The following SCAI variants were observed in gnomAD, a reference collection of about 807,000 sequenced individuals.
The protein encoded by SCAI is protein SCAI.
Under a neutral mutation model 92.2 loss-of-function variants are expected in SCAI, and 24 were observed. The observed-to-expected ratio is 0.26, with a 90% CI of 0.19 to 0.37. The LOEUF is 0.37. SCAI is among the 10% of genes least tolerant of loss of function. SCAI has a pLI of 1.00. For missense variants in SCAI, 450 were observed against 736.2 expected (o/e 0.61, Z 4.50); for synonymous variants, 261 against 258.6 (o/e 1.01, Z -0.09).
At chr9:124,975,748 T>A (rs1831742427) in intron 15 of SCAI, among the ~76,000 whole-genome samples, 1 of 152,228 alleles carries the variant, frequency 6.6e-6, no homozygotes, top group Admixed American at 6.5e-5. Flanking sequence ...AAAAGATGCC[T>A]TGGATCTTTT....
intron 2 of SCAI, among the ~76,000 whole-genome samples, chr9:125,068,512 C>CA (rs113476856): frequency 1.1e-4 from 16 of 151,522 alleles, no homozygotes; most frequent in East Asian, 9.7e-4. Flanking sequence ...ACAACAACAA[C>CA]AACAAAAAAA....
At chr9:125,008,011 A>C (rs746830493) in intron 9 of SCAI, among the ~76,000 whole-genome samples, 5 of 150,228 alleles carry the variant, frequency 3.3e-5, no homozygotes, top group Non-Finnish European at 5.9e-5. Context: ...ATGCCCGGCT[A>C]ATTTTTTGTA....
At chr9:125,010,347 C>T (rs531397064) in intron 9 of SCAI, among the ~76,000 whole-genome samples, 9 of 152,300 alleles carry the variant, frequency 5.9e-5, no homozygotes, top group East Asian at 1.9e-4. Context: ...GCTTTTCCGA[C>T]GGGCTTAAAA....
chr9:124,942,883 A>G lies in SCAI; in HGVS notation c.*9924T>C, dbSNP rs569194921. ...TAGGCACTGTATAGCAGGAGAAAACATTGGAAAGCCTACTGAATCCGCTCT... is the reference window on the plus strand; with the variant it reads ...TAGGCACTGTATAGCAGGAGAAAACGTTGGAAAGCCTACTGAATCCGCTCT... On this transcript the variant is annotated 3_prime_UTR_variant, in exon 18 of 18. Transcript: ENST00000336505. 53 of 152,246 alleles carry G rather than the reference A, an allele frequency of 3.5e-4. No homozygotes were observed. The highest frequency in any genetic ancestry group is 8.5e-4 in the Admixed American group (13 of 15,280). 9.4% of individuals were successfully genotyped at this position (152,246 alleles called of 1,614,324 possible).
At chr9:125,024,801 T>A (rs895960709) in intron 6 of SCAI, among the ~76,000 whole-genome samples, 1 of 152,174 alleles carries the variant, frequency 6.6e-6, no homozygotes, top group Non-Finnish European at 1.5e-5. Flanking sequence ...TGCAACAGAA[T>A]TGGGGTGTGC....
chr9:125,077,696 A>G (rs1480579318), intron 2 of SCAI, among the ~76,000 whole-genome samples: 4 of 151,590 alleles, frequency 2.6e-5, no homozygotes, highest in Non-Finnish European at 5.9e-5. Flanking sequence ...AGAAATGTCT[A>G]CTCAGATACT....
In SCAI at chr9:124,952,804, G is replaced by A. The variant is rs1236644843; in HGVS notation, c.*3C>T. 6.2e-7 allele frequency: 1 copy of A among 1,606,644 alleles called. No individual in the cohort carries two copies. Among genetic ancestry groups the A allele is most frequent in the Non-Finnish European group, 8.5e-7 (1 of 1,177,118 alleles). ...AACTTGTTTCGACAACAGGGTTTTT[G>A]TTTTAATAGTCATCAATGGTATTCT... On this transcript the variant is annotated 3_prime_UTR_variant, in exon 18 of 18. Coordinates refer to ENST00000336505, the MANE Select transcript of SCAI (RefSeq NM_001144877.3).
intron 2 of SCAI, among the ~76,000 whole-genome samples, chr9:125,066,467 T>TA (rs34572480): frequency 0.23 from 35,016 of 151,344 alleles, 4,593 homozygotes; most frequent in East Asian, 0.31. Context: ...TTTATTTATT[T>TA]TTTTTTGAGA....
chr9:125,132,898 G>A lies in SCAI; in HGVS notation c.98+9735C>T, dbSNP rs574259873. Among the ~76,000 whole-genome samples, 34 of 152,218 alleles carry A rather than the reference G, an allele frequency of 2.2e-4. 1 individual carries two copies. The South Asian group carries it at 7.1e-3, about 32-fold the overall frequency. On this transcript the variant is annotated intron_variant, in intron 2 of 17. Transcript: ENST00000336505. Reference sequence around the variant, plus strand: ...GAGAATCACTTGAACTTGGGAGGCAGAGGTTGCAGTAAGCCAAGATCGCAC... The same window carrying A: ...GAGAATCACTTGAACTTGGGAGGCAAAGGTTGCAGTAAGCCAAGATCGCAC...
intron 9 of SCAI, among the ~76,000 whole-genome samples, chr9:125,016,424 A>AATGT (rs1254389537): frequency 2.0e-5 from 3 of 150,656 alleles, no homozygotes; most frequent in African/African-American, 7.3e-5. Flanking sequence ...TAAATAAATA[A>AATGT]ATGTCAGTTA....
At chr9:125,122,292 A>T (rs1003116962) in intron 2 of SCAI, among the ~76,000 whole-genome samples, 2 of 152,114 alleles carry the variant, frequency 1.3e-5, no homozygotes, top group African/African-American at 4.8e-5. Context: ...TATCTTAATG[A>T]TTTAAAACTG....
intron 3 of SCAI, among the ~76,000 whole-genome samples, chr9:125,046,298 G>T (rs1371175362): frequency 5.8e-5 from 4 of 68,768 alleles, no homozygotes; most frequent in Admixed American, 1.8e-4. Context: ...TCCTTTTATG[G>T]CCTATCTCAT....
intron 2 of SCAI, among the ~76,000 whole-genome samples, chr9:125,098,077 C>T (rs976227926): frequency 2.0e-5 from 3 of 151,278 alleles, no homozygotes; most frequent in African/African-American, 7.3e-5. Context: ...ATATATGAGA[C>T]AGGGTCTCAC....
At chr9:124,983,153 CCTGT>C (rs1831921274) in intron 14 of SCAI, among the ~76,000 whole-genome samples, 1 of 135,600 alleles carries the variant, frequency 7.4e-6, no homozygotes, top group African/African-American at 2.8e-5. Flanking sequence ...AGAATGAAAA[CCTGT>C]CTCTTAAAAA....
At chr9:125,130,713 G>A (rs1835380568) in intron 2 of SCAI, among the ~76,000 whole-genome samples, 1 of 149,912 alleles carries the variant, frequency 6.7e-6, no homozygotes, top group Non-Finnish European at 1.5e-5. Context: ...GTAGAGACCT[G>A]ACCTCATGAT....
chr9:125,088,105 T>C (rs892394527), intron 2 of SCAI, among the ~76,000 whole-genome samples: 12 of 152,182 alleles, frequency 7.9e-5, no homozygotes, highest in Admixed American at 2.0e-4. Context: ...TTGTTTTGTT[T>C]TGTTTTTTTT....
At chr9:125,063,636 T>C (rs991857329) in intron 2 of SCAI, among the ~76,000 whole-genome samples, 22 of 151,914 alleles carry the variant, frequency 1.4e-4, no homozygotes, top group East Asian at 3.9e-4. Flanking sequence ...AGGGAAGAAG[T>C]GTAGCTACGC....
At position 124,999,874 on chromosome 9, in the gene SCAI, G is replaced by A. The variant is rs779256362; in HGVS notation, c.1244+17C>T. ...AGGTATAATTTTTATAATAAGAGTA[G>A]ACACCAGAATACATACCAGTGCATT... On this transcript the variant is annotated intron_variant, in intron 13 of 17. Coordinates refer to ENST00000336505, the MANE Select transcript of SCAI (RefSeq NM_001144877.3). The A allele has an allele frequency of 5.6e-6, 7 of 1,251,482 alleles. No homozygotes were observed. The African/African-American group carries it at 9.2e-5, about 16-fold the overall frequency. 77.5% of individuals were successfully genotyped at this position (1,251,482 alleles called of 1,614,324 possible).
chr9:125,007,464 G>A (rs900358839), intron 9 of SCAI, among the ~76,000 whole-genome samples: 1 of 152,092 alleles, frequency 6.6e-6, no homozygotes, highest in Non-Finnish European at 1.5e-5. Flanking sequence ...TAGGGCAGAA[G>A]GACTGCTTGA....
Sources: allele counts gnomAD v4.1 joint callset (sites outside exome capture counted in the v4.1 genomes callset), GRCh38; gene constraint gnomAD v4.1.1; transcripts MANE v1.5; gene names NCBI Gene and HGNC (gene_info 2026-07-23, HGNC 2026-07-21).